Variants in SBF2 observed in about 807,000 individuals in gnomAD.
SBF2 encodes SET binding factor 2, also known as myotubularin-related protein 13.
SBF2 carries 112 observed loss-of-function variants against 225.2 expected under a neutral mutation model. The observed-to-expected ratio is 0.50, with a 90% CI of 0.43 to 0.58. The LOEUF (loss-of-function observed/expected upper bound fraction) is 0.58, where lower values mean the gene tolerates loss of function less well. Among genes scored for constraint, SBF2 ranks in the 20% least tolerant of loss-of-function variants. SBF2 has a pLI of 0.00. For missense variants in SBF2, 1,996 were observed against 2,206.2 expected, an observed-to-expected ratio of 0.90 and a Z score of 1.91; for synonymous variants, 763 against 773.3, an observed-to-expected ratio of 0.99 and a Z score of 0.22.
intron 12 of SBF2, among the ~76,000 whole-genome samples, chr11:9,992,208 T>C (rs926887885): frequency 6.6e-6 from 1 of 152,174 alleles, no homozygotes; most frequent in Admixed American, 6.5e-5. Context: ...AAAAATTATA[T>C]GTATTTCCAA....
chr11:9,941,769 G>A (rs1865264734), intron 16 of SBF2, among the ~76,000 whole-genome samples: 1 of 151,830 alleles, frequency 6.6e-6, no homozygotes, highest in African/African-American at 2.4e-5. Context: ...TATACTATAG[G>A]TCCTTGCCAG....
At chr11:10,284,437 T>C (rs951307173) in intron 1 of SBF2, among the ~76,000 whole-genome samples, 4 of 152,166 alleles carry the variant, frequency 2.6e-5, no homozygotes, top group Non-Finnish European at 2.9e-5. Flanking sequence ...TATAGCTTTT[T>C]CCCCCATATT....
At chr11:10,020,878 G>C (rs1425111789) in intron 6 of SBF2, among the ~76,000 whole-genome samples, 1 of 144,578 alleles carries the variant, frequency 6.9e-6, no homozygotes, top group South Asian at 2.4e-4. Flanking sequence ...AATAATATTT[G>C]TAAGACAAAC....
chr11:10,242,808 T>G (rs1239165720), intron 1 of SBF2, among the ~76,000 whole-genome samples: 1 of 152,102 alleles, frequency 6.6e-6, no homozygotes, highest in East Asian at 1.9e-4. Flanking sequence ...CAATTATATA[T>G]GCATGCAACA....
At chr11:9,860,167 T>C (rs1481721652) in intron 17 of SBF2, among the ~76,000 whole-genome samples, 1 of 152,138 alleles carries the variant, frequency 6.6e-6, no homozygotes, top group Non-Finnish European at 1.5e-5. Context: ...ACTTGGGACA[T>C]GGATTACACA....
chr11:10,035,287 G>C (rs190518556), intron 3 of SBF2, among the ~76,000 whole-genome samples: 1 of 152,012 alleles, frequency 6.6e-6, no homozygotes, highest in Admixed American at 6.6e-5. Flanking sequence ...AGTCTTAAAC[G>C]TAAGACCTAA....
intron 16 of SBF2, among the ~76,000 whole-genome samples, chr11:9,926,327 G>C (rs11042547): frequency 0.2 from 30,716 of 151,350 alleles, 3,893 homozygotes; most frequent in Non-Finnish European, 0.29. Flanking sequence ...AAAAAAAATT[G>C]TCTTTTTTTT....
At chr11:9,840,641 T>C (rs757855370) in intron 25 of SBF2, among the ~76,000 whole-genome samples, 3 of 152,232 alleles carry the variant, frequency 2.0e-5, no homozygotes, top group Admixed American at 6.5e-5. Flanking sequence ...AAAATCACTA[T>C]ACAAACTCAT....
chr11:9,884,072 G>A lies in SBF2; in HGVS notation c.1929+11871C>T, dbSNP rs540025428. Among the ~76,000 whole-genome samples the A allele has an allele frequency of 7.9e-4, 121 of 152,252 alleles. No homozygotes were observed. The Middle Eastern group carries it at 0.01, about 13-fold the overall frequency. ...TGATGGCTTCAGCCCCAGAGATTTTGTTTTCAACTACCCTTTGATGGAGGC... is the reference window on the plus strand; with the variant it reads ...TGATGGCTTCAGCCCCAGAGATTTTATTTTCAACTACCCTTTGATGGAGGC... On this transcript the variant is annotated intron_variant, in intron 17 of 39. Transcript: ENST00000256190.
chr11:9,911,250 C>T (rs935265927), intron 16 of SBF2, among the ~76,000 whole-genome samples: 27 of 151,614 alleles, frequency 1.8e-4, no homozygotes, highest in Non-Finnish European at 2.9e-4. Flanking sequence ...TGCCTGTAAT[C>T]CCAGCTACTC....
chr11:10,170,376 A>G (rs1162470442), intron 2 of SBF2, among the ~76,000 whole-genome samples: 2 of 152,036 alleles, frequency 1.3e-5, no homozygotes, highest in African/African-American at 2.4e-5. Flanking sequence ...CCATTTACTG[A>G]AGAGACTGTC....
At chr11:9,821,683 G>A (rs1292972802) in intron 28 of SBF2, among the ~76,000 whole-genome samples, 1 of 152,158 alleles carries the variant, frequency 6.6e-6, no homozygotes, top group Non-Finnish European at 1.5e-5. Context: ...GGTCAAATCA[G>A]TATTTTTTTC....
chr11:9,983,006 A>G (rs749435884), intron 13 of SBF2, among the ~76,000 whole-genome samples: 9 of 152,190 alleles, frequency 5.9e-5, no homozygotes, highest in Non-Finnish European at 1.2e-4. Context: ...AGCAGCAGGT[A>G]AAACTCCACA....
chr11:10,116,532 A>G (rs2135033280), intron 2 of SBF2, among the ~76,000 whole-genome samples: 1 of 152,314 alleles, frequency 6.6e-6, no homozygotes, highest in South Asian at 2.1e-4. Flanking sequence ...TGCTTTTGTC[A>G]TATTATTTCC....
intron 6 of SBF2, among the ~76,000 whole-genome samples, chr11:10,014,505 TAAAAAAAAAAAA>T (rs1181315538): frequency 1.4e-5 from 1 of 70,806 alleles, no homozygotes; most frequent in African/African-American, 6.1e-5. Flanking sequence ...CCATTTCAAC[TAAAAAAAAAAAA>T]AAAAAAAAAA....
At chr11:9,802,060 T>C (rs1853522655) in intron 32 of SBF2, among the ~76,000 whole-genome samples, 1 of 152,202 alleles carries the variant, frequency 6.6e-6, no homozygotes, top group Non-Finnish European at 1.5e-5. Context: ...CTGAAAAAGT[T>C]CTAAGATGCC....
At chr11:10,075,840 C>A (rs1590899391) in intron 2 of SBF2, among the ~76,000 whole-genome samples, 1 of 151,972 alleles carries the variant, frequency 6.6e-6, no homozygotes, top group East Asian at 1.9e-4. Context: ...ACAGAGGACA[C>A]CTCTAGCCTG....
At chr11:10,268,410 TG>T (rs1488866102) in intron 1 of SBF2, among the ~76,000 whole-genome samples, 2 of 152,204 alleles carry the variant, frequency 1.3e-5, no homozygotes, top group Non-Finnish European at 2.9e-5. Context: ...CCAAACAATT[TG>T]TTTTCTTCAA....
chr11:9,955,757 T>C (rs73402461), intron 16 of SBF2, among the ~76,000 whole-genome samples: 1,935 of 152,206 alleles, frequency 0.013, 50 homozygotes, highest in African/African-American at 0.044. Context: ...TGAACACCCA[T>C]GTACCTAAAT....
Sources: allele counts gnomAD v4.1 joint callset (sites outside exome capture counted in the v4.1 genomes callset), GRCh38; gene constraint gnomAD v4.1.1; transcripts MANE v1.5; gene names NCBI Gene and HGNC (gene_info 2026-07-23, HGNC 2026-07-21).